The following FBRSL1 variants were observed in gnomAD, a reference collection of about 807,000 sequenced individuals.
FBRSL1 encodes fibrosin like 1, also known as fibrosin-1-like protein.
In FBRSL1, 51 loss-of-function variants were observed where a neutral mutation model predicts 89.6. That is an observed-to-expected ratio of 0.57 (90% confidence interval 0.45 to 0.72). The LOEUF is 0.72. FBRSL1 is among the 30% of genes least tolerant of loss of function. FBRSL1 has a pLI of 0.00. For missense variants in FBRSL1, 1,618 were observed against 1,451.8 expected (o/e 1.11, Z -1.86); for synonymous variants, 779 against 681.1 (o/e 1.14, Z -2.24).
intron 5 of FBRSL1, 91 bp downstream of exon 5, chr12:132,548,123 C>A: frequency 6.8e-7 from 1 of 1,464,376 alleles, no homozygotes; most frequent in Non-Finnish European, 9.3e-7. Flanking sequence ...GGAGACCAGG[C>A]AGAAGATCGG....
chr12:132,511,822 G>A (rs958941637), intron 2 of FBRSL1: 49 of 984,720 alleles, frequency 5.0e-5, no homozygotes, highest in Admixed American at 3.1e-4. Context: ...TTTGGCCTCC[G>A]GGCCCCCTCG....
chr12:132,577,693 CAGGCACGCAG>C (rs2040468061), intron 15 of FBRSL1, among the ~76,000 whole-genome samples: 1 of 152,148 alleles, frequency 6.6e-6, no homozygotes, highest in Admixed American at 6.5e-5. Context: ...TGTCATCCTC[CAGGCACGCAG>C]AGGCACGAAG....
chr12:132,503,335 C>T (rs374836346), intron 1 of FBRSL1, among the ~76,000 whole-genome samples: 3 of 152,242 alleles, frequency 2.0e-5, no homozygotes, highest in East Asian at 1.9e-4. Context: ...CAGCTGGGCA[C>T]GACCTGGAGG....
intron 5 of FBRSL1, chr12:132,552,201 C>A (rs781494258): frequency 1.3e-5 from 2 of 159,968 alleles, no homozygotes; most frequent in Non-Finnish European, 2.8e-5. Context: ...GCCAGCCAGT[C>A]CTCCACACCC....
chr12:132,561,052 C>T (rs2039082318), intron 5 of FBRSL1, among the ~76,000 whole-genome samples: 1 of 152,204 alleles, frequency 6.6e-6, no homozygotes, highest in Admixed American at 6.5e-5. Flanking sequence ...GAGCCTGGGC[C>T]AGGCCCCCAG....
At chr12:132,560,814 T>C (rs9971699) in intron 5 of FBRSL1, among the ~76,000 whole-genome samples, 83,194 of 152,070 alleles carry the variant, frequency 0.55, 24,529 homozygotes, top group East Asian at 0.85. Context: ...AGTGATCCTC[T>C]ACCCCACGCG....
At chr12:132,530,708 C>T (rs1281174179) in intron 4 of FBRSL1, among the ~76,000 whole-genome samples, 8 of 35,374 alleles carry the variant, frequency 2.3e-4, no homozygotes, top group South Asian at 1.7e-3. Context: ...TGACAGATGG[C>T]GGGGTGGGGG....
At chr12:132,503,992 C>T (rs1415896637) in intron 1 of FBRSL1, among the ~76,000 whole-genome samples, 1 of 152,136 alleles carries the variant, frequency 6.6e-6, no homozygotes, top group East Asian at 1.9e-4. Context: ...AGAGCAGCTT[C>T]TGACCCATCT....
rs374312928 is a variant in FBRSL1, at chr12:132,541,446, G to A, written c.616-6557G>A. On this transcript the variant is annotated intron_variant, in intron 4 of 18. Coordinates refer to ENST00000680143, the MANE Select transcript of FBRSL1 (RefSeq NM_001367871.1). Reference sequence around the variant, plus strand: ...CAGAGGTCATGCACCCCCCCACCCCGGGGACAGCTGCCCAGCTGCGTGGGG... The same window carrying A: ...CAGAGGTCATGCACCCCCCCACCCCAGGGACAGCTGCCCAGCTGCGTGGGG... Among the ~76,000 whole-genome samples the A allele has an allele frequency of 3.6e-4, 55 of 152,286 alleles. 1 individual carries two copies. The East Asian group carries it at 4.3e-3, about 12-fold the overall frequency.
Position 132,569,988 on chromosome 12 carries a change from C to A in FBRSL1, c.754C>A (p.Arg252Ser). ...GPVPKVSGLE[R>S]SRELSAESFL... is the part of the protein sequence containing the mutation. ...GGTGCCCAAGGTGTCAGGCCTGGAG[C>A]GCAGCCGCGAGCTCAGCGCCGAGAG... Residue 252 changes from arginine to serine, a missense_variant, in exon 7 of 19, where the codon CGC becomes AGC. Transcript: ENST00000680143. The A allele has an allele frequency of 6.7e-7, 1 of 1,493,780 alleles. No individual in the cohort carries two copies. The highest frequency in any genetic ancestry group is 8.9e-7 in the Non-Finnish European group (1 of 1,128,888). The allele number at this position is 1,493,780 out of a possible 1,614,324, so 92.5% of individuals were successfully genotyped here.
chr12:132,558,364 C>T (rs1468385800), intron 5 of FBRSL1, among the ~76,000 whole-genome samples: 2 of 152,214 alleles, frequency 1.3e-5, no homozygotes. Flanking sequence ...TCTGTTTTCT[C>T]GTCGGTGAGA....
chr12:132,556,793 C>T (rs1396648239), intron 5 of FBRSL1, among the ~76,000 whole-genome samples: 2 of 133,410 alleles, frequency 1.5e-5, no homozygotes, highest in African/African-American at 3.2e-5. Context: ...TCCAGGCCTT[C>T]GTGCTGCACC....
intron 4 of FBRSL1, among the ~76,000 whole-genome samples, chr12:132,541,286 T>C (rs1014337767): frequency 2.6e-5 from 4 of 152,258 alleles, no homozygotes; most frequent in Admixed American, 1.3e-4. Flanking sequence ...ATCCACTCAG[T>C]GGGCCCCACC....
intron 5 of FBRSL1, chr12:132,552,625 CAGA>C (rs2038277148): frequency 6.3e-6 from 1 of 159,590 alleles, no homozygotes; most frequent in African/African-American, 2.5e-5. Context: ...GCGGGACAGA[CAGA>C]AGGACGGATG....
chr12:132,583,891 C>A lies in FBRSL1; in HGVS notation c.*113C>A. ...ATCCTGGGGCGGCGCCGCCTCTCCA[C>A]CCGCAGCCTGCGGAGGCGGGGACTT... On this transcript the variant is annotated 3_prime_UTR_variant, in exon 19 of 19. Coordinates refer to ENST00000680143, the MANE Select transcript of FBRSL1 (RefSeq NM_001367871.1). The A allele has an allele frequency of 2.0e-6, 1 of 498,080 alleles. No homozygotes were observed. Among genetic ancestry groups the A allele is most frequent in the Non-Finnish European group, 2.8e-6 (1 of 352,354 alleles). 30.9% of individuals were successfully genotyped at this position (498,080 alleles called of 1,614,324 possible). A position where few individuals can be genotyped will look rare whatever the true frequency, so the allele number is the denominator to read the frequency against.
chr12:132,578,620 A>ACAGGCACAGGCACACT, intron 15 of FBRSL1, among the ~76,000 whole-genome samples: 1 of 152,176 alleles, frequency 6.6e-6, no homozygotes, highest in Non-Finnish European at 1.5e-5. Flanking sequence ...ACAGGCACAC[A>ACAGGCACAGGCACACT]CATGGGCACT....
chr12:132,570,658 G>A lies in FBRSL1; in HGVS notation c.1213+118G>A, dbSNP rs1298460092. 18 of 931,610 alleles carry A rather than the reference G, an allele frequency of 1.9e-5. No homozygotes were observed. The Admixed American group carries it at 2.5e-4, about 13-fold the overall frequency. The allele number at this position is 931,610 out of a possible 1,614,324, so 57.7% of individuals were successfully genotyped here. A position where few individuals can be genotyped will look rare whatever the true frequency, so the allele number is the denominator to read the frequency against. ...CTGCTGTGGTCTCTGCGGACCCTGC[G>A]CGCCTCTCTGAGTGGTTCCCCCAGG... On this transcript the variant is annotated intron_variant, in intron 8 of 18. Transcript: ENST00000680143.
intron 2 of FBRSL1, chr12:132,510,832 C>G: frequency 9.2e-7 from 1 of 1,086,422 alleles, no homozygotes; most frequent in South Asian, 4.5e-5. Context: ...GGGGGCCCCT[C>G]AGCGTCTTTC....
intron 5 of FBRSL1, among the ~76,000 whole-genome samples, chr12:132,550,342 G>A (rs1336139844): frequency 6.6e-6 from 1 of 151,722 alleles, no homozygotes; most frequent in African/African-American, 2.4e-5. Context: ...AGGCAGCTCC[G>A]CCAAACACTG....
Sources: allele counts gnomAD v4.1 joint callset (sites outside exome capture counted in the v4.1 genomes callset), GRCh38; gene constraint gnomAD v4.1.1; transcripts MANE v1.5; gene names NCBI Gene and HGNC (gene_info 2026-07-23, HGNC 2026-07-21).